The following VPS13B variants were observed in gnomAD, a reference collection of about 807,000 sequenced individuals.
The protein encoded by VPS13B is vacuolar protein sorting 13 homolog B, also known as intermembrane lipid transfer protein VPS13B.
VPS13B carries 285 observed loss-of-function variants against 426.4 expected under a neutral mutation model. That is an observed-to-expected ratio of 0.67 (90% CI 0.61 to 0.74). VPS13B has a LOEUF of 0.74. VPS13B is among the 30% of genes least tolerant of loss of function. The pLI is 0.00. For missense variants in VPS13B, 4,537 were observed against 4,782.6 expected (o/e 0.95, Z 1.51); for synonymous variants, 1,676 against 1,676.4 (o/e 1.00, Z 0.01).
chr8:99,775,668 C>T (rs910450847), intron 40 of VPS13B, among the ~76,000 whole-genome samples: 4 of 152,124 alleles, frequency 2.6e-5, no homozygotes, highest in African/African-American at 9.7e-5. Context: ...GAGGCCAAGG[C>T]GGGTGGATCA....
chr8:99,136,758 G>A lies in VPS13B; in HGVS notation c.1651+6G>A, dbSNP rs766336907. On this transcript the variant is annotated splice_donor_region_variant and intron_variant, in intron 12 of 61. Transcript: ENST00000357162. ...GGAGAACACTAGTGGCAAAGGTATT[G>A]GCTTCTTTCCTTTATGTGTGCCATT... The A allele has an allele frequency of 6.2e-7, 1 of 1,613,084 alleles. No homozygotes were observed.
At chr8:99,601,454 A>G (rs1827296211) in intron 33 of VPS13B, among the ~76,000 whole-genome samples, 1 of 152,192 alleles carries the variant, frequency 6.6e-6, no homozygotes, top group African/African-American at 2.4e-5. Context: ...GTGCTGCAAT[A>G]AACATACGTG....
chr8:99,515,396 CTG>C (rs1177897213), intron 29 of VPS13B, among the ~76,000 whole-genome samples: 67 of 151,194 alleles, frequency 4.4e-4, no homozygotes, highest in African/African-American at 1.5e-3. Flanking sequence ...GCTGCTGCTT[CTG>C]CTTCCTCCTC....
intron 3 of VPS13B, among the ~76,000 whole-genome samples, chr8:99,079,902 G>A (rs1481803452): frequency 1.3e-5 from 2 of 149,878 alleles, no homozygotes; most frequent in Non-Finnish European, 3.0e-5. Flanking sequence ...TCCATCCTGG[G>A]CAACAAGAGC....
intron 25 of VPS13B, among the ~76,000 whole-genome samples, chr8:99,488,275 C>T (rs1820411084): frequency 6.6e-6 from 1 of 151,810 alleles, no homozygotes; most frequent in Non-Finnish European, 1.5e-5. Flanking sequence ...AAAATTTTGG[C>T]AGAAAATATG....
intron 39 of VPS13B, among the ~76,000 whole-genome samples, chr8:99,755,854 T>C (rs1042759902): frequency 6.6e-6 from 1 of 151,946 alleles, no homozygotes; most frequent in African/African-American, 2.4e-5. Flanking sequence ...TTTGTTTATT[T>C]ACAATAATAT....
At chr8:99,218,719 C>G (rs545825208) in intron 17 of VPS13B, among the ~76,000 whole-genome samples, 12 of 152,180 alleles carry the variant, frequency 7.9e-5, no homozygotes, top group African/African-American at 2.6e-4. Context: ...GTCAGCTGAT[C>G]AGAATGAATG....
At chr8:99,207,492 A>C (rs987286188) in intron 17 of VPS13B, among the ~76,000 whole-genome samples, 9 of 152,182 alleles carry the variant, frequency 5.9e-5, no homozygotes, top group Non-Finnish European at 1.2e-4. Context: ...TTAGTGAAAG[A>C]AAATATATAA....
At chr8:99,820,165 C>T (rs1381395445) in intron 49 of VPS13B, 43 bp downstream of exon 49, 1 of 1,572,812 alleles carries the variant, frequency 6.4e-7, no homozygotes, top group Non-Finnish European at 8.7e-7. Flanking sequence ...TATCTCTCAA[C>T]AAGTAGATTT....
intron 33 of VPS13B, among the ~76,000 whole-genome samples, chr8:99,610,712 T>A (rs1362391885): frequency 4.6e-5 from 7 of 152,122 alleles, no homozygotes; most frequent in African/African-American, 1.7e-4. Context: ...GTTCTGCACA[T>A]GTATCCCAGA....
intron 29 of VPS13B, among the ~76,000 whole-genome samples, chr8:99,517,848 AT>A (rs1310068563): frequency 1.3e-5 from 2 of 151,108 alleles, no homozygotes; most frequent in African/African-American, 2.4e-5. Context: ...AGAGAAGCTG[AT>A]TTTTTTTTGC....
rs1387433072 is a variant in VPS13B at position 99,205,923 on chromosome 8, T to C, written c.2515+12866T>C. On this transcript the variant is annotated intron_variant, in intron 17 of 61. Coordinates refer to ENST00000357162, the MANE Select transcript of VPS13B (RefSeq NM_152564.5). ...TAAAGTGTGTTACTTCATTAGAAAATATTAATGAAATTATAGCAAATATTG... is the reference window on the plus strand; with the variant it reads ...TAAAGTGTGTTACTTCATTAGAAAACATTAATGAAATTATAGCAAATATTG... Among the ~76,000 whole-genome samples the C allele has an allele frequency of 2.6e-5, 4 of 152,244 alleles. No homozygotes were observed. The East Asian group carries it at 7.7e-4, about 29-fold the overall frequency.
intron 17 of VPS13B, among the ~76,000 whole-genome samples, chr8:99,228,715 A>G (rs1816154667): frequency 6.6e-6 from 1 of 152,034 alleles, no homozygotes; most frequent in African/African-American, 2.4e-5. Flanking sequence ...GTACATTATG[A>G]GGCACTGGGG....
chr8:99,314,936 G>A (rs373526511), intron 19 of VPS13B, among the ~76,000 whole-genome samples: 1 of 152,034 alleles, frequency 6.6e-6, no homozygotes, highest in Non-Finnish European at 1.5e-5. Flanking sequence ...TCTAATATAA[G>A]TATAGCTGTT....
At chr8:99,466,580 T>G (rs202151752) in intron 23 of VPS13B, among the ~76,000 whole-genome samples, 1 of 151,382 alleles carries the variant, frequency 6.6e-6, no homozygotes, top group Non-Finnish European at 1.5e-5. Context: ...AATAAATTAA[T>G]TTTACCTGAG....
chr8:99,270,678 G>A lies in VPS13B; in HGVS notation c.2516-3520G>A, dbSNP rs78372826. On this transcript the variant is annotated intron_variant, in intron 17 of 61. Transcript: ENST00000357162. ...ATTTTTGGTTCTGAACACCATCAAC[G>A]ACTCTTTAGAGAATCTTTTAGTAGC... Among the ~76,000 whole-genome samples the A allele has an allele frequency of 8.8e-3, 1,341 of 152,210 alleles. 7 individuals are homozygous for A. The highest frequency in any genetic ancestry group is 0.014 in the Non-Finnish European group (950 of 68,010).
At chr8:99,692,957 C>G (rs367931104) in intron 35 of VPS13B, among the ~76,000 whole-genome samples, 1 of 149,432 alleles carries the variant, frequency 6.7e-6, no homozygotes, top group African/African-American at 2.5e-5. Context: ...GAAATGGATA[C>G]ATTCCTTGAC....
chr8:99,272,274 A>G (rs1031716375), intron 17 of VPS13B, among the ~76,000 whole-genome samples: 1 of 152,186 alleles, frequency 6.6e-6, no homozygotes, highest in Non-Finnish European at 1.5e-5. Flanking sequence ...AATTGGCAAA[A>G]TGAGTGATAA....
In VPS13B at chr8:99,854,012, G is replaced by A; in HGVS notation, c.10623G>A (p.Gln3541=). The A allele has an allele frequency of 2.5e-6, 4 of 1,614,190 alleles. No homozygotes were observed. The highest frequency in any genetic ancestry group is 3.4e-6 in the Non-Finnish European group (4 of 1,180,034). Residue 3541 remains glutamine (Q), a synonymous_variant, in exon 56 of 62, where the codon CAG becomes CAA. Transcript: ENST00000357162. The part of the protein sequence containing the change: ...GHSTHLSGGK[Q]VLPMQVTQHA... ...CCACACACCTCTCCGGGGGTAAACA[G>A]GTGTTGCCCATGCAGGTCACACAGC...
Sources: allele counts gnomAD v4.1 joint callset (sites outside exome capture counted in the v4.1 genomes callset), GRCh38; gene constraint gnomAD v4.1.1; transcripts MANE v1.5; gene names NCBI Gene and HGNC (gene_info 2026-07-23, HGNC 2026-07-21).